The following MPDZ variants were observed in gnomAD, a reference collection of about 807,000 sequenced individuals.
The protein encoded by MPDZ is multiple PDZ domain crumbs cell polarity complex component.
Under a neutral mutation model 239.1 loss-of-function variants are expected in MPDZ, and 234 were observed. The ratio of observed to expected loss-of-function variants is 0.98; its 90% CI spans 0.88 to 1.09. The LOEUF (loss-of-function observed/expected upper bound fraction) is 1.09. MPDZ is among the 50% of genes least tolerant of loss of function. The probability of loss-of-function intolerance (pLI) is 0.00; values close to 1 mark genes in which losing one functional copy is unlikely to be tolerated. For missense variants in MPDZ, 3,175 were observed against 2,510.0 expected, an observed-to-expected ratio of 1.26 and a Z score of -5.66; for synonymous variants, 1,048 against 881.3, an observed-to-expected ratio of 1.19 and a Z score of -3.35.
At chr9:13,116,870 G>A (rs1237285105) in intron 39 of MPDZ, among the ~76,000 whole-genome samples, 1 of 152,028 alleles carries the variant, frequency 6.6e-6, no homozygotes, top group African/African-American at 2.4e-5. Flanking sequence ...TTATAAGATT[G>A]TATTTTACAT....
chr9:13,127,578 C>T (rs1945310709), intron 32 of MPDZ, among the ~76,000 whole-genome samples: 1 of 152,194 alleles, frequency 6.6e-6, no homozygotes, highest in Admixed American at 6.5e-5. Context: ...AGAATCTTGA[C>T]ATGGTTTCTC....
At chr9:13,257,179 G>C (rs192044574) in intron 1 of MPDZ, among the ~76,000 whole-genome samples, 5 of 152,144 alleles carry the variant, frequency 3.3e-5, no homozygotes, top group Non-Finnish European at 7.3e-5. Flanking sequence ...AGAACCATAA[G>C]ACATACCAAT....
intron 8 of MPDZ, among the ~76,000 whole-genome samples, chr9:13,218,830 C>A (rs1958691638): frequency 6.6e-6 from 1 of 151,704 alleles, no homozygotes; most frequent in African/African-American, 2.4e-5. Flanking sequence ...TGATATTTAT[C>A]CTCTGTAGTC....
Position 13,205,040 on chromosome 9 carries a change from T to C in MPDZ, c.1542A>G (p.Glu514=), listed in dbSNP as rs769867005. The C allele has an allele frequency of 6.9e-6, 10 of 1,454,630 alleles. No homozygotes were observed. The highest frequency in any genetic ancestry group is 3.0e-5 in the Admixed American group (1 of 33,362). 90.1% of individuals were successfully genotyped at this position (1,454,630 alleles called of 1,614,324 possible). Residue 514 remains glutamate, a synonymous_variant, in exon 12 of 47, where the codon GAA becomes GAG. Transcript: ENST00000319217. ...AAGCTGGCGCTAGGTGTTTACCTTC[T>C]TCTTCAGTTGGTAATATGTTGGTGT... ...TRNTNILPTE[E]EGYPLLSAEI... is the part of the protein sequence containing the mutation.
intron 34 of MPDZ, among the ~76,000 whole-genome samples, 175 bp downstream of exon 34, chr9:13,126,341 C>T (rs1393527045): frequency 2.0e-5 from 3 of 152,144 alleles, no homozygotes; most frequent in Admixed American, 2.0e-4. Flanking sequence ...TACCTTAACA[C>T]CAACTGGAAA....
At chr9:13,262,548 C>A (rs543710208) in intron 1 of MPDZ, among the ~76,000 whole-genome samples, 4 of 151,594 alleles carry the variant, frequency 2.6e-5, no homozygotes, top group Non-Finnish European at 4.4e-5. Flanking sequence ...CAAGTATACA[C>A]GTTAAAACTT....
In MPDZ at chr9:13,138,133, C is replaced by G. The variant is rs752997441; in HGVS notation, c.4024G>C (p.Gly1342Arg). Residue 1342 changes from glycine (G) to arginine (R), a missense_variant, in exon 29 of 47, where the codon GGA becomes CGA. Physicochemically the swap from Gly to Arg is moderately radical, Grantham distance 125. Coordinates refer to ENST00000319217, the MANE Select transcript of MPDZ (RefSeq NM_001378778.1). ...ATATGCAGCTCGCCTGTTAGGGTTC[C>G]ATAACGCTCTCTGATATTTTCTACA... Reference protein sequence around the residue: ...YSWKNIRERYGTLTGELHMIE... With the variant: ...YSWKNIRERYRTLTGELHMIE... 1 of 1,588,182 alleles carries G rather than the reference C, an allele frequency of 6.3e-7. No individual in the cohort carries two copies. Among genetic ancestry groups the G allele is most frequent in the Non-Finnish European group, 8.6e-7 (1 of 1,167,588 alleles).
chr9:13,250,416 T>C, intron 1 of MPDZ, 44 bp from the exon 2 acceptor site: 1 of 1,071,930 alleles, frequency 9.3e-7, no homozygotes, highest in Non-Finnish European at 1.4e-6. Flanking sequence ...ATCAGAACTT[T>C]ATATTCTAAA....
chr9:13,182,391 T>A (rs1262345797), intron 19 of MPDZ, among the ~76,000 whole-genome samples: 1 of 152,154 alleles, frequency 6.6e-6, no homozygotes, highest in Non-Finnish European at 1.5e-5. Context: ...TATGTTATAA[T>A]GTATTAGACA....
chr9:13,198,737 C>CTCTCTCTCTG (rs755487892), intron 12 of MPDZ, among the ~76,000 whole-genome samples: 1 of 69,752 alleles, frequency 1.4e-5, no homozygotes, highest in Non-Finnish European at 2.9e-5. Context: ...ATCTCTCTCT[C>CTCTCTCTCTG]TGTGTGTGTG....
chr9:13,267,609 A>G (rs944438949), intron 1 of MPDZ, among the ~76,000 whole-genome samples: 3 of 152,240 alleles, frequency 2.0e-5, no homozygotes, highest in Non-Finnish European at 2.9e-5. Flanking sequence ...TACAAAATTC[A>G]GCTTATTCAA....
intron 5 of MPDZ, 84 bp downstream of exon 5, chr9:13,223,484 CATT>C (rs1959469139): frequency 1.4e-6 from 2 of 1,412,732 alleles, no homozygotes; most frequent in Non-Finnish European, 1.9e-6. Flanking sequence ...TGTTGCCATT[CATT>C]ATTATTTTTC....
rs898605655 is a variant in MPDZ at position 13,190,139 on chromosome 9, A to C, written c.2129T>G (p.Leu710Arg). 6.2e-7 allele frequency: 1 copy of C among 1,612,982 alleles called. No homozygotes were observed. Among genetic ancestry groups the C allele is most frequent in the African/African-American group, 1.3e-5 (1 of 75,028 alleles). Residue 710 changes from leucine (L) to arginine (R), a missense_variant, in exon 16 of 47, where the codon CTT becomes CGT. Leu to Arg is a moderately radical substitution (Grantham distance 102, BLOSUM62 -2). Coordinates refer to ENST00000319217, the MANE Select transcript of MPDZ (RefSeq NM_001378778.1). ...CTGATAATCTAAAATGCTAAAACCA[A>C]GTCCTTTGCTCCCTTTCTCCAGCTC... ...HIELEKGSKG[L>R]GFSILDYQDP...
At position 13,180,430 on chromosome 9, in the gene MPDZ, G is replaced by A. The variant is rs556651836; in HGVS notation, c.2649+2988C>T. 5.3e-5 allele frequency among the ~76,000 whole-genome samples: 8 copies of A among 152,260 alleles called. No individual in the cohort carries two copies. The East Asian group carries it at 1.5e-3, about 29-fold the overall frequency. On this transcript the variant is annotated intron_variant, in intron 19 of 46. Coordinates refer to ENST00000319217, the MANE Select transcript of MPDZ (RefSeq NM_001378778.1). ...TTGGTAACAATATCATCACCGGACA[G>A]AGTAAGAGTATGAGTGTACACGGGA...
intron 1 of MPDZ, among the ~76,000 whole-genome samples, chr9:13,265,190 C>T (rs1271874586): frequency 6.6e-6 from 1 of 152,212 alleles, no homozygotes; most frequent in Non-Finnish European, 1.5e-5. Flanking sequence ...GCAACAAATT[C>T]TCCAGGGAAA....
chr9:13,239,992 T>C (rs549125467), intron 3 of MPDZ, among the ~76,000 whole-genome samples: 2 of 152,260 alleles, frequency 1.3e-5, no homozygotes, highest in Admixed American at 1.3e-4. Flanking sequence ...AAAAATTATA[T>C]TCTTATCAAG....
At chr9:13,113,292 T>G (rs1942814831) in intron 41 of MPDZ, among the ~76,000 whole-genome samples, 1 of 152,156 alleles carries the variant, frequency 6.6e-6, no homozygotes, top group Non-Finnish European at 1.5e-5. Flanking sequence ...GTTGATTATA[T>G]AACTATGTAA....
intron 10 of MPDZ, among the ~76,000 whole-genome samples, chr9:13,208,899 C>T (rs1486378046): frequency 6.6e-6 from 1 of 152,066 alleles, no homozygotes; most frequent in Non-Finnish European, 1.5e-5. Context: ...CCTATCTCCA[C>T]CCTGCTGATT....
intron 26 of MPDZ, among the ~76,000 whole-genome samples, chr9:13,146,001 C>T (rs1948383970): frequency 6.6e-6 from 1 of 151,992 alleles, no homozygotes; most frequent in Non-Finnish European, 1.5e-5. Flanking sequence ...CATTATTATG[C>T]TGTGTCTATG....
Sources: allele counts gnomAD v4.1 joint callset (sites outside exome capture counted in the v4.1 genomes callset), GRCh38; gene constraint gnomAD v4.1.1; transcripts MANE v1.5; gene names NCBI Gene and HGNC (gene_info 2026-07-23, HGNC 2026-07-21).